ITIH5: variants seen among roughly 807,000 people sequenced by gnomAD.
ITIH5 encodes the protein inter-alpha-trypsin inhibitor heavy chain H5.
A neutral mutation model predicts 77.5 loss-of-function variants in ITIH5; 65 were observed. The ratio of observed to expected loss-of-function variants is 0.84; its 90% CI spans 0.69 to 1.03. The LOEUF (loss-of-function observed/expected upper bound fraction) is 1.03. Among genes scored for constraint, ITIH5 ranks in the 50% least tolerant of loss-of-function variants. The probability of loss-of-function intolerance (pLI) is 0.00; values close to 1 mark genes in which losing one functional copy is unlikely to be tolerated. For synonymous variants in ITIH5, 525 were observed against 494.3 expected, an observed-to-expected ratio of 1.06 and a Z score of -0.82; for missense variants, 1,208 against 1,213.1, an observed-to-expected ratio of 1.00 and a Z score of 0.06.
rs781142532 is a variant in ITIH5, at chr10:7,563,162, C to T, written c.2750G>A (p.Gly917Glu). ...GGATGCCAGGTAATCCTTGTACTCC[C>T]CGTCAATCAGTTTGGCGGCATTGTT... Reference protein sequence around the residue: ...ARNNAAKLIDGEYKDYLASHP... With the variant: ...ARNNAAKLIDEEYKDYLASHP... Residue 917 changes from glycine to glutamate, a missense_variant, in exon 14 of 14, where the codon GGG becomes GAG. By Grantham distance (98) the Gly-to-Glu change is moderately conservative (BLOSUM62 -2). Transcript: ENST00000397146. 6 of 1,614,156 alleles carry T rather than the reference C, an allele frequency of 3.7e-6. No homozygotes were observed. The highest frequency in any genetic ancestry group is 5.1e-6 in the Non-Finnish European group (6 of 1,179,994).
At chr10:7,597,228 G>T (rs1159830706) in intron 7 of ITIH5, among the ~76,000 whole-genome samples, 1 of 152,020 alleles carries the variant, frequency 6.6e-6, no homozygotes, top group African/African-American at 2.4e-5. Context: ...TCCTTTCTAA[G>T]GTGGGCAGAG....
At chr10:7,651,498 C>T (rs1019743663) in intron 2 of ITIH5, among the ~76,000 whole-genome samples, 5 of 152,052 alleles carry the variant, frequency 3.3e-5, no homozygotes, top group Admixed American at 1.3e-4. Context: ...ATCCCAGGTG[C>T]TCGGGAGACT....
chr10:7,585,828 A>AAAAAAC (rs1554750663), intron 8 of ITIH5, 73 bp downstream of exon 8: 2 of 1,108,484 alleles, frequency 1.8e-6, no homozygotes, highest in South Asian at 3.7e-5. Flanking sequence ...CTCTTGGCAA[A>AAAAAAC]AAAAAAAAAA....
chr10:7,637,205 C>T (rs1022223862), intron 5 of ITIH5, 23 bp downstream of exon 5: 2 of 1,597,296 alleles, frequency 1.3e-6, no homozygotes, highest in Non-Finnish European at 1.7e-6. Context: ...CAGATCTGCA[C>T]GAACCCAGCA....
At chr10:7,602,182 C>T (rs1001512298) in intron 7 of ITIH5, among the ~76,000 whole-genome samples, 1 of 152,132 alleles carries the variant, frequency 6.6e-6, no homozygotes, top group African/African-American at 2.4e-5. Flanking sequence ...CTTTCATCCT[C>T]CCTCTCTCTC....
intron 8 of ITIH5, among the ~76,000 whole-genome samples, chr10:7,582,791 G>T (rs12573731): frequency 5.8e-4 from 88 of 152,204 alleles, no homozygotes; most frequent in Admixed American, 4.3e-3. Context: ...AAATTAAAAC[G>T]ATTGAACTTA....
At chr10:7,638,503 A>T (rs1833835693) in intron 4 of ITIH5, among the ~76,000 whole-genome samples, 1 of 152,234 alleles carries the variant, frequency 6.6e-6, no homozygotes, top group Non-Finnish European at 1.5e-5. Flanking sequence ...TGGATGTTAT[A>T]AGACATTGGA....
chr10:7,566,628 C>T (rs1016341821), intron 12 of ITIH5, among the ~76,000 whole-genome samples: 2 of 148,832 alleles, frequency 1.3e-5, no homozygotes, highest in African/African-American at 5.0e-5. Flanking sequence ...CACTTGAGCC[C>T]AGGAGTTCCC....
rs549633971 is a variant in ITIH5, at chr10:7,593,951, G to C, written c.940-7882C>G. On this transcript the variant is annotated intron_variant, in intron 7 of 13. Transcript: ENST00000397146. ...AGCAGCCAAGAGCTCTGCCTCCTGT[G>C]GGAGGCTTAAGAGGAAAGAGGAGGA... Among the ~76,000 whole-genome samples the C allele has an allele frequency of 8.5e-5, 13 of 152,374 alleles. No individual in the cohort carries two copies. In the South Asian group the frequency reaches 2.7e-3, roughly 32 times the overall value.
chr10:7,628,311 A>G (rs1833620028), intron 5 of ITIH5, among the ~76,000 whole-genome samples: 1 of 152,130 alleles, frequency 6.6e-6, no homozygotes, highest in Non-Finnish European at 1.5e-5. Flanking sequence ...GGCAACTACC[A>G]ATCTGCTTTC....
chr10:7,579,769 GC>G lies in ITIH5; in HGVS notation c.1403del (p.Gly468AlafsTer74). The G allele has an allele frequency of 1.2e-6, 2 of 1,613,528 alleles. No individual in the cohort carries two copies. The highest frequency in any genetic ancestry group is 4.5e-5 in the East Asian group (2 of 44,872). ...TRRVHEEEDA[G>X]SQLIGFYDEI... is the part of the protein sequence containing the mutation. ...AGACCACAGACCCGATGAGCTGCGA[GC>G]CTGCGTCCTCCTCCTCGTGCACGCG... is the stretch of plus-strand genomic sequence containing the variant. On this transcript the variant is annotated frameshift_variant, in exon 9 of 14. Transcript: ENST00000397146. LOFTEE classifies it high-confidence loss of function.
At chr10:7,662,502 C>T (rs938517313) in intron 1 of ITIH5, among the ~76,000 whole-genome samples, 1 of 152,206 alleles carries the variant, frequency 6.6e-6, no homozygotes, top group Non-Finnish European at 1.5e-5. Context: ...CTTCCTAAAT[C>T]GACCTACTCC....
intron 7 of ITIH5, among the ~76,000 whole-genome samples, chr10:7,598,495 A>G (rs999039864): frequency 9.9e-5 from 15 of 152,186 alleles, no homozygotes; most frequent in Non-Finnish European, 1.9e-4. Flanking sequence ...TTTCATTCAC[A>G]TTGCCAAGAA....
At chr10:7,600,973 T>C (rs543953343) in intron 7 of ITIH5, among the ~76,000 whole-genome samples, 82 of 152,324 alleles carry the variant, frequency 5.4e-4, no homozygotes, top group African/African-American at 1.9e-3. Context: ...TCGTTGTTTA[T>C]AAGCTACTCA....
At chr10:7,596,768 G>A (rs1042974967) in intron 7 of ITIH5, among the ~76,000 whole-genome samples, 2 of 152,058 alleles carry the variant, frequency 1.3e-5, no homozygotes, top group African/African-American at 2.4e-5. Context: ...AAGGCCGGGT[G>A]CAGTGGCTCA....
intron 7 of ITIH5, among the ~76,000 whole-genome samples, chr10:7,592,405 TAAAC>T (rs1267294910): frequency 2.0e-5 from 3 of 151,902 alleles, no homozygotes; most frequent in African/African-American, 7.3e-5. Context: ...GCTGTATTAT[TAAAC>T]AAATAAGACA....
At chr10:7,636,934 C>T (rs1833807188) in intron 5 of ITIH5, among the ~76,000 whole-genome samples, 1 of 152,060 alleles carries the variant, frequency 6.6e-6, no homozygotes, top group Non-Finnish European at 1.5e-5. Context: ...GCCTGTAATC[C>T]CAGCTACTCA....
At chr10:7,566,502 T>C (rs1042860205) in intron 12 of ITIH5, 95 bp from the exon 13 acceptor site, 1 of 1,264,946 alleles carries the variant, frequency 7.9e-7, no homozygotes. Context: ...CCAGGGCAGG[T>C]GGATTGCCTG....
intron 7 of ITIH5, among the ~76,000 whole-genome samples, chr10:7,591,076 T>C (rs12269636): frequency 0.3 from 45,355 of 151,818 alleles, 7,284 homozygotes; most frequent in East Asian, 0.49. Context: ...TTTTCTATTT[T>C]AGTAGAGACG....
Sources: gnomAD v4.1 joint callset for allele counts (sites outside exome capture counted in the v4.1 genomes callset) on GRCh38, gnomAD v4.1.1 for gene constraint, MANE v1.5 for transcripts, NCBI Gene and HGNC (gene_info 2026-07-23, HGNC 2026-07-21) for gene names.